Variants in TRIOBP observed in about 807,000 individuals in gnomAD.
TRIOBP encodes the protein TRIO and F-actin-binding protein.
TRIOBP carries 169 observed loss-of-function variants against 238.8 expected under a neutral mutation model. The observed-to-expected ratio is 0.71, with a 90% CI of 0.62 to 0.80. The LOEUF (loss-of-function observed/expected upper bound fraction) is 0.80, where lower values mean the gene tolerates loss of function less well. Ranked by LOEUF, TRIOBP falls within the 30% of genes least tolerant of loss-of-function variation. The pLI is 0.00. For synonymous variants in TRIOBP, 1,150 were observed against 1,274.4 expected, an observed-to-expected ratio of 0.90 and a Z score of 2.08; for missense variants, 2,838 against 3,122.6, an observed-to-expected ratio of 0.91 and a Z score of 2.17.
intron 5 of TRIOBP, among the ~76,000 whole-genome samples, chr22:37,714,466 C>G (rs1013201941): frequency 6.6e-6 from 1 of 152,120 alleles, no homozygotes; most frequent in Non-Finnish European, 1.5e-5. Flanking sequence ...GTCAGGAGAT[C>G]GAGACCAGCC....
chr22:37,760,258 G>A (rs774336733), intron 17 of TRIOBP: 1 of 152,210 alleles, frequency 6.6e-6, no homozygotes, highest in Non-Finnish European at 1.5e-5. Context: ...ATACTTCTAA[G>A]TTTAATCTGC....
chr22:37,726,633 T>TGGGCAAATCGCTCCATTTCTCTGTTTC, intron 7 of TRIOBP, 130 bp downstream of exon 7: 1 of 960,160 alleles, frequency 1.0e-6, no homozygotes, highest in Non-Finnish European at 1.5e-6. Context: ...TGTGTGACCT[T>TGGGCAAATCGCTCCATTTCTCTGTTTC]GGGCAAATCG....
chr22:37,725,697 T>C lies in TRIOBP; in HGVS notation c.3141T>C (p.Pro1047=). ...PFPFFPEPRA[P]ESEPPHHEPP... is the part of the protein sequence containing the mutation. Reference sequence around the variant, plus strand: ...CCTTCTTCCCAGAGCCCCGCGCCCCTGAGAGTGAACCGCCCCACCACGAGC... The same window carrying C: ...CCTTCTTCCCAGAGCCCCGCGCCCCCGAGAGTGAACCGCCCCACCACGAGC... The change falls in exon 7 of 24, where the codon CCT becomes CCC. Residue 1047 remains proline (P), a synonymous_variant. Coordinates refer to ENST00000644935, the MANE Select transcript of TRIOBP (RefSeq NM_001039141.3). 2 of 1,590,646 alleles carry C rather than the reference T, an allele frequency of 1.3e-6. No individual in the cohort carries two copies. Among genetic ancestry groups the C allele is most frequent in the South Asian group, 2.2e-5 (2 of 89,872 alleles).
intron 11 of TRIOBP, among the ~76,000 whole-genome samples, chr22:37,750,160 G>T (rs1240091669): frequency 6.6e-6 from 1 of 152,238 alleles, no homozygotes; most frequent in South Asian, 2.1e-4. Context: ...CTCAGAGAGG[G>T]GATGTGACTT....
At chr22:37,761,606 G>A (rs1295867983) in intron 17 of TRIOBP, among the ~76,000 whole-genome samples, 1 of 152,180 alleles carries the variant, frequency 6.6e-6, no homozygotes, top group Non-Finnish European at 1.5e-5. Flanking sequence ...CTGAAGGAGG[G>A]TGAATGTCAA....
chr22:37,723,154 C>G (rs1360897502), intron 6 of TRIOBP, 31 bp from the exon 7 acceptor site: 1 of 1,612,380 alleles, frequency 6.2e-7, no homozygotes, highest in East Asian at 2.2e-5. Flanking sequence ...GACCTCTCCC[C>G]TTACCTTGAG....
intron 7 of TRIOBP, among the ~76,000 whole-genome samples, chr22:37,732,532 CACTT>C (rs1258885794): frequency 8.8e-6 from 1 of 114,260 alleles, no homozygotes; most frequent in African/African-American, 3.2e-5. Flanking sequence ...AAAAAAAAGA[CACTT>C]GCTTGGACAG....
rs552822349 is a variant in TRIOBP, at chr22:37,768,189, C to T, written c.6575+13C>T. 34 of 1,601,074 alleles carry T rather than the reference C, an allele frequency of 2.1e-5. No homozygotes were observed. Among genetic ancestry groups the T allele is most frequent in the Admixed American group, 5.1e-5 (3 of 58,550 alleles). On this transcript the variant is annotated intron_variant, in intron 19 of 23. Coordinates refer to ENST00000644935, the MANE Select transcript of TRIOBP (RefSeq NM_001039141.3). ...GGAAGCAGCACCAGTAAGATGATGC[C>T]GGGGCCCAACTGCCCACCCTGATGG...
At chr22:37,703,436 A>T (rs534808289) in intron 3 of TRIOBP, among the ~76,000 whole-genome samples, 1 of 150,896 alleles carries the variant, frequency 6.6e-6, no homozygotes, top group African/African-American at 2.4e-5. Flanking sequence ...GGACTCACGA[A>T]CCTCCGAGGG....
chr22:37,716,737 C>T (rs776738177), intron 6 of TRIOBP, among the ~76,000 whole-genome samples: 6 of 152,186 alleles, frequency 3.9e-5, no homozygotes, highest in African/African-American at 1.2e-4. Flanking sequence ...AGGGAGCCAC[C>T]GAAGGTTTTT....
At position 37,723,366 on chromosome 22, in the gene TRIOBP, C is replaced by T; in HGVS notation, c.810C>T (p.Ala270=). The change falls in exon 7 of 24, where the codon GCC becomes GCT. Residue 270 remains alanine (A), a synonymous_variant. Coordinates refer to ENST00000644935, the MANE Select transcript of TRIOBP (RefSeq NM_001039141.3). The part of the protein sequence containing the change: ...SPAQRDTAQA[A]STREIPRASS... The stretch of plus-strand genomic sequence containing the variant: ...CCCAAAGGGACACTGCTCAGGCTGC[C>T]TCTACACGTGAAATCCCCAGAGCCT... The T allele has an allele frequency of 1.2e-6, 2 of 1,614,032 alleles. No homozygotes were observed. Among genetic ancestry groups the T allele is most frequent in the Non-Finnish European group, 1.7e-6 (2 of 1,179,970 alleles).
At chr22:37,700,323 G>A (rs1209392829) in intron 2 of TRIOBP, among the ~76,000 whole-genome samples, 1 of 141,562 alleles carries the variant, frequency 7.1e-6, no homozygotes, top group Non-Finnish European at 1.5e-5. Context: ...CTGGAGTGCT[G>A]TAACTATTCA....
At chr22:37,715,177 G>A (rs966958930) in intron 5 of TRIOBP, among the ~76,000 whole-genome samples, 1 of 151,976 alleles carries the variant, frequency 6.6e-6, no homozygotes, top group Non-Finnish European at 1.5e-5. Flanking sequence ...ACTATGCCTG[G>A]CTAGTTTTTG....
rs191583816 is a variant in TRIOBP, at chr22:37,766,128, G to A, written c.6472+311G>A. Among the ~76,000 whole-genome samples, 125 of 152,304 alleles carry A rather than the reference G, an allele frequency of 8.2e-4. 2 individuals are homozygous for A. Among genetic ancestry groups the A allele is most frequent in the Admixed American group, 3.6e-3 (55 of 15,302 alleles). On this transcript the variant is annotated intron_variant, in intron 18 of 23. Coordinates refer to ENST00000644935, the MANE Select transcript of TRIOBP (RefSeq NM_001039141.3). ...AAAGGCACATGCTACCCACGTGCGT[G>A]GGGGAGAGGCTGATCAGCTGCATCC...
Position 37,743,143 on chromosome 22 carries a change from A to G in TRIOBP, c.5322+2111A>G, listed in dbSNP as rs551412412. 1.2e-4 allele frequency among the ~76,000 whole-genome samples: 19 copies of G among 152,292 alleles called. No homozygotes were observed. In the East Asian group the frequency reaches 3.1e-3, roughly 25 times the overall value. ...ACCGAGGCTTGGTGAGGTTGGCTAC[A>G]GTGGTTCTCTCATGTGGGAGTGAGG... On this transcript the variant is annotated intron_variant, in intron 11 of 23. Coordinates refer to ENST00000644935, the MANE Select transcript of TRIOBP (RefSeq NM_001039141.3).
intron 11 of TRIOBP, among the ~76,000 whole-genome samples, chr22:37,748,000 GTCC>G (rs1020601748): frequency 2.0e-5 from 3 of 152,184 alleles, no homozygotes; most frequent in African/African-American, 7.2e-5. Context: ...TGAGGGAGGT[GTCC>G]TCCTGTGATT....
Position 37,757,618 on chromosome 22 carries a change from C to A in TRIOBP, c.5693C>A (p.Ser1898Ter). Residue 1898 changes from serine to a stop codon, truncating the protein, a stop_gained, in exon 16 of 24, where the codon TCG becomes TAG. Transcript: ENST00000644935. LOFTEE classifies it high-confidence loss of function. The part of the protein sequence containing the change: ...PTSAPDVTKL[S>*]DSNKENALHS... ...TGGCTCTGCTGGTGCCCTAGGCTCT[C>A]GGACTCTAACAAGGAGAACGCGCTG... The A allele has an allele frequency of 6.3e-7, 1 of 1,582,492 alleles. No individual in the cohort carries two copies. The highest frequency in any genetic ancestry group is 1.1e-5 in the South Asian group (1 of 87,110).
At chr22:37,748,460 T>A (rs1015792684) in intron 11 of TRIOBP, among the ~76,000 whole-genome samples, 1 of 152,224 alleles carries the variant, frequency 6.6e-6, no homozygotes, top group East Asian at 1.9e-4. Flanking sequence ...CCTCGCCTGC[T>A]GGGCATCAAA....
At chr22:37,711,632 G>T (rs201106693) in intron 4 of TRIOBP, among the ~76,000 whole-genome samples, 1 of 138,282 alleles carries the variant, frequency 7.2e-6, no homozygotes, top group Admixed American at 7.2e-5. Context: ...ACAAAAAAAC[G>T]AAAAAAAAAA....
Sources: gnomAD v4.1 joint callset for allele counts (sites outside exome capture counted in the v4.1 genomes callset) on GRCh38, gnomAD v4.1.1 for gene constraint, MANE v1.5 for transcripts, NCBI Gene and HGNC (gene_info 2026-07-23, HGNC 2026-07-21) for gene names.